Variants in MYO19 observed in about 807,000 individuals in gnomAD.
The protein encoded by MYO19 is myosin XIX.
Under a neutral mutation model 129.2 loss-of-function variants are expected in MYO19, and 132 were observed. That is an observed-to-expected ratio of 1.02 (90% confidence interval 0.89 to 1.18). The LOEUF is 1.18. MYO19 is among the 50% of genes most tolerant of loss of function. MYO19 has a pLI of 0.00. For missense variants in MYO19, 1,210 were observed against 1,216.7 expected, an observed-to-expected ratio of 0.99 and a Z score of 0.08; for synonymous variants, 531 against 477.2, an observed-to-expected ratio of 1.11 and a Z score of -1.47.
At chr17:36,533,623 A>G (rs561313724) in intron 2 of MYO19, 10 of 152,422 alleles carry the variant, frequency 6.6e-5, no homozygotes, top group Admixed American at 2.6e-4. Context: ...AAAAAGGACA[A>G]TTGAGGCGGA....
upstream of MYO19, among the ~76,000 whole-genome samples, chr17:36,539,899 T>C (rs2074187927): frequency 6.6e-6 from 1 of 152,034 alleles, no homozygotes; most frequent in South Asian, 2.1e-4. Flanking sequence ...ATTTTTTTTT[T>C]TTTTTGAGCT....
intron 13 of MYO19, chr17:36,509,720 T>C (rs546747876): frequency 6.5e-6 from 1 of 152,784 alleles, no homozygotes; most frequent in Non-Finnish European, 1.5e-5. Context: ...CTCACATTTT[T>C]TCTTAAAGTA....
intron 3 of MYO19, among the ~76,000 whole-genome samples, chr17:36,528,551 T>C (rs1367385383): frequency 6.6e-6 from 1 of 150,956 alleles, no homozygotes; most frequent in African/African-American, 2.4e-5. Flanking sequence ...CCGCGACAGC[T>C]GGTACTCAAA....
chr17:36,497,922 T>A (rs1377589490), intron 25 of MYO19: 1 of 277,358 alleles, frequency 3.6e-6, no homozygotes, highest in Non-Finnish European at 6.8e-6. Flanking sequence ...TCCTGACTCA[T>A]CTAAAGCCTT....
intron 12 of MYO19, 109 bp from the exon 13 acceptor site, chr17:36,511,026 A>G (rs2072287919): frequency 7.7e-7 from 1 of 1,291,146 alleles, no homozygotes; most frequent in African/African-American, 1.5e-5. Flanking sequence ...TGGACAGAAG[A>G]AACCTAAGTT....
chr17:36,509,193 T>C, intron 13 of MYO19, 58 bp from the exon 14 acceptor site: 3 of 1,510,142 alleles, frequency 2.0e-6, no homozygotes, highest in Non-Finnish European at 2.7e-6. Context: ...AAAGGGGTGG[T>C]AAAATTGCTC....
intron 3 of MYO19, among the ~76,000 whole-genome samples, chr17:36,529,503 C>T (rs962822717): frequency 1.7e-4 from 26 of 152,048 alleles, no homozygotes; most frequent in African/African-American, 6.3e-4. Context: ...GAATGGTGAG[C>T]CTAAAATTTC....
In MYO19 at chr17:36,498,405, G is replaced by A. The variant is rs759458830; in HGVS notation, c.2618C>T (p.Thr873Met). The stretch of plus-strand genomic sequence containing the variant: ...CTGAAAGCTGCCTACACCCATAGCC[G>A]TATTGGCCAGGACCAGTCCCAGGGG... Reference protein sequence around the residue: ...LWPLGLVLANTAMGVGSFQRK... With the variant: ...LWPLGLVLANMAMGVGSFQRK... Residue 873 changes from threonine to methionine, a missense_variant, in exon 25 of 26, where the codon ACG (threonine) becomes ATG (methionine). Physicochemically the swap from Thr to Met is moderately conservative, Grantham distance 81. Coordinates refer to ENST00000614623, the MANE Select transcript of MYO19 (RefSeq NM_001163735.2). 12 of 1,614,010 alleles carry A rather than the reference G, an allele frequency of 7.4e-6. No individual in the cohort carries two copies. The highest frequency in any genetic ancestry group is 1.7e-5 in the Admixed American group (1 of 60,028).
chr17:36,524,908 C>G lies in MYO19; in HGVS notation c.414+320G>C, dbSNP rs988905018. ...GTTCTTAACCACTATGCTGGAATCCCCAGCAGCTGACTTTTGTTTCCAGTA... is the reference window on the plus strand; with the variant it reads ...GTTCTTAACCACTATGCTGGAATCCGCAGCAGCTGACTTTTGTTTCCAGTA... On this transcript the variant is annotated intron_variant, in intron 6 of 25. Transcript: ENST00000614623. Among the ~76,000 whole-genome samples the G allele has an allele frequency of 3.3e-5, 5 of 152,316 alleles. No homozygotes were observed. In the South Asian group the frequency reaches 8.3e-4, roughly 25 times the overall value.
chr17:36,509,797 T>C (rs1279910478), intron 13 of MYO19: 4 of 152,676 alleles, frequency 2.6e-5, no homozygotes, highest in Admixed American at 2.6e-4. Flanking sequence ...GCTGTGCAAA[T>C]GTCCTGTGGT....
intron 19 of MYO19, 187 bp from the exon 20 acceptor site, chr17:36,504,207 C>T: frequency 1.9e-6 from 1 of 522,342 alleles, no homozygotes; most frequent in South Asian, 2.8e-5. Flanking sequence ...AAATCTCCCA[C>T]TAGAAAGGGT....
chr17:36,532,717 G>C, intron 2 of MYO19, 36 bp from the exon 3 acceptor site: 1 of 715,572 alleles, frequency 1.4e-6, no homozygotes, highest in African/African-American at 1.8e-5. Context: ...ACCACACACA[G>C]GTGAGGGCTT....
chr17:36,538,025 T>C (rs766989656), upstream of MYO19: 4 of 1,612,668 alleles, frequency 2.5e-6, no homozygotes, highest in Non-Finnish European at 3.4e-6. Context: ...GAATAATCTC[T>C]ACCCTGGGGT....
rs771684606 is a variant in MYO19 at position 36,499,178 on chromosome 17, A to G, written c.2378-18T>C. The G allele has an allele frequency of 4.4e-6, 7 of 1,585,098 alleles. No homozygotes were observed. The African/African-American group carries it at 5.4e-5, about 12-fold the overall frequency. ...ACGAATGGCTAAGAGGTTTGCCCAG[A>G]AACAGGAAAGAGATAATAAAGGGGC... On this transcript the variant is annotated intron_variant, in intron 23 of 25. Coordinates refer to ENST00000614623, the MANE Select transcript of MYO19 (RefSeq NM_001163735.2).
At chr17:36,513,180 C>T (rs2072485792) in intron 11 of MYO19, 1 of 1,418,544 alleles carries the variant, frequency 7.0e-7, no homozygotes, top group African/African-American at 1.4e-5. Flanking sequence ...TCTCTGCCCC[C>T]ATGGATCACT....
Position 36,528,945 on chromosome 17 carries a change from C to T in MYO19, c.13-743G>A, listed in dbSNP as rs1038122833. 4.9e-4 allele frequency among the ~76,000 whole-genome samples: 74 copies of T among 152,134 alleles called. 1 individual carries two copies. The highest frequency in any genetic ancestry group is 3.2e-4 in the Non-Finnish European group (22 of 68,028). On this transcript the variant is annotated intron_variant, in intron 3 of 25. Coordinates refer to ENST00000614623, the MANE Select transcript of MYO19 (RefSeq NM_001163735.2). The stretch of plus-strand genomic sequence containing the variant: ...TGGGTTAGGCCTTTTTGGGAAGAGA[C>T]AGTTCAGCTTTTGATGTAAAACAGC...
intron 16 of MYO19, 82 bp from the exon 17 acceptor site, chr17:36,507,221 A>T: frequency 6.5e-7 from 1 of 1,535,628 alleles, no homozygotes; most frequent in Non-Finnish European, 8.8e-7. Flanking sequence ...TGTGGACCCC[A>T]TGACAGCAGA....
At chr17:36,509,220 A>AG in intron 13 of MYO19, 85 bp from the exon 14 acceptor site, 20 of 1,203,678 alleles carry the variant, frequency 1.7e-5, no homozygotes, top group Non-Finnish European at 2.2e-5. Context: ...TCAGGGTGCT[A>AG]CACCCTGGGG....
At position 36,528,111 on chromosome 17, in the gene MYO19, T is replaced by TAC; in HGVS notation, c.102_103dup (p.Tyr35CysfsTer10). ...CACCCTGGTGAGGTCATCCAGTTTG[T>TAC]ACAGCAGGACCTCCCCACCCAGGAA... On this transcript the variant is annotated frameshift_variant, in exon 4 of 26. Coordinates refer to ENST00000614623, the MANE Select transcript of MYO19 (RefSeq NM_001163735.2). LOFTEE classifies it high-confidence loss of function. 6.2e-7 allele frequency: 1 copy of TAC among 1,613,956 alleles called. No homozygotes were observed. Among genetic ancestry groups the TAC allele is most frequent in the Non-Finnish European group, 8.5e-7 (1 of 1,179,876 alleles).
Sources: allele counts gnomAD v4.1 joint callset (sites outside exome capture counted in the v4.1 genomes callset), GRCh38; gene constraint gnomAD v4.1.1; transcripts MANE v1.5; gene names NCBI Gene and HGNC (gene_info 2026-07-23, HGNC 2026-07-21).